EPB41L2: variants seen among roughly 807,000 people sequenced by gnomAD.
EPB41L2 encodes the protein band 4.1-like protein 2.
In EPB41L2, 43 loss-of-function variants were observed where a neutral mutation model predicts 113.0. The ratio of observed to expected loss-of-function variants is 0.38; its 90% CI spans 0.30 to 0.49. The LOEUF is 0.49. Among genes scored for constraint, EPB41L2 ranks in the 20% least tolerant of loss-of-function variants. The pLI is 0.95. For missense variants in EPB41L2, 1,147 were observed against 1,223.4 expected, an observed-to-expected ratio of 0.94 and a Z score of 0.93; for synonymous variants, 442 against 436.7, an observed-to-expected ratio of 1.01 and a Z score of -0.15.
chr6:130,885,171 C>T lies in EPB41L2; in HGVS notation c.1758G>A (p.Val586=). ...CCCTCCTGCCGTCCCCATCTTGTAC[C>T]ACGGCAATGCTGACAAGTCCAGGTC... is the stretch of plus-strand genomic sequence containing the variant. The part of the protein sequence containing the change: ...AYGPGLVSIA[V]VQDGDGRREV... Residue 586 remains valine, a synonymous_variant, in exon 12 of 20, where the codon GTG becomes GTA. Transcript: ENST00000337057. 3 of 1,614,074 alleles carry T rather than the reference C, an allele frequency of 1.9e-6. No homozygotes were observed. Among genetic ancestry groups the T allele is most frequent in the Non-Finnish European group, 1.7e-6 (2 of 1,180,004 alleles).
chr6:131,002,135 TTCAAA>T (rs1364644673), intron 1 of EPB41L2, among the ~76,000 whole-genome samples: 1 of 152,196 alleles, frequency 6.6e-6, no homozygotes, highest in Non-Finnish European at 1.5e-5. Flanking sequence ...TACCTGTTGA[TTCAAA>T]GTGTGCCAAT....
intron 1 of EPB41L2, among the ~76,000 whole-genome samples, chr6:131,058,483 C>T (rs1313594285): frequency 1.3e-5 from 2 of 152,092 alleles, no homozygotes; most frequent in Non-Finnish European, 1.5e-5. Flanking sequence ...TAAACATTAC[C>T]GACATGATAT....
At chr6:130,922,916 T>C (rs1345976525) in intron 4 of EPB41L2, among the ~76,000 whole-genome samples, 1 of 152,202 alleles carries the variant, frequency 6.6e-6, no homozygotes, top group Non-Finnish European at 1.5e-5. Flanking sequence ...ATTTGTTCCA[T>C]GCAAGCTGTC....
intron 1 of EPB41L2, among the ~76,000 whole-genome samples, chr6:131,010,790 C>T (rs904291349): frequency 4.6e-5 from 7 of 152,124 alleles, no homozygotes; most frequent in African/African-American, 1.4e-4. Flanking sequence ...GCAGATCATT[C>T]TTCAGCTTGG....
Position 130,867,449 on chromosome 6 carries a change from GC to G in EPB41L2, c.2730+9del. The G allele has an allele frequency of 6.2e-7, 1 of 1,613,784 alleles. No individual in the cohort carries two copies. The highest frequency in any genetic ancestry group is 1.1e-5 in the South Asian group (1 of 91,058). ...AGAGCTCGAACAGTCCAAGTCTAGA[GC>G]TTTTGTACCTGTGGAGACTCATATG... is the stretch of plus-strand genomic sequence containing the variant. On this transcript the variant is annotated intron_variant, in intron 16 of 19. Coordinates refer to ENST00000337057, the MANE Select transcript of EPB41L2 (RefSeq NM_001431.4).
At chr6:131,050,106 A>G (rs1260082837) in intron 1 of EPB41L2, among the ~76,000 whole-genome samples, 1 of 152,216 alleles carries the variant, frequency 6.6e-6, no homozygotes, top group Non-Finnish European at 1.5e-5. Flanking sequence ...TGGGAGGTCA[A>G]GGAGGGCAGA....
rs2128447970 is a variant in EPB41L2, at chr6:130,869,937, T to C, written c.2233A>G (p.Ser745Gly). 1 of 1,613,258 alleles carries C rather than the reference T, an allele frequency of 6.2e-7. No individual in the cohort carries two copies. Among genetic ancestry groups the C allele is most frequent in the Non-Finnish European group, 8.5e-7 (1 of 1,180,022 alleles). ...ACGTCTTCCTCCTCACTCTCACTGC[T>C]GCTGCTGCTGCTCTCAGAAGACAGG... ...TSLSSESSSSSSESEEEDVGE... is the reference protein window; with the variant it reads ...TSLSSESSSSGSESEEEDVGE... The change falls in exon 15 of 20, where the codon AGC becomes GGC. Residue 745 changes from serine to glycine, a missense_variant. Transcript: ENST00000337057.
chr6:130,965,450 T>C (rs1774841834), intron 1 of EPB41L2, among the ~76,000 whole-genome samples: 1 of 152,094 alleles, frequency 6.6e-6, no homozygotes, highest in African/African-American at 2.4e-5. Context: ...GAGGACTAAT[T>C]CTCCTTCTCA....
At chr6:131,046,918 G>T (rs995289381) in intron 1 of EPB41L2, among the ~76,000 whole-genome samples, 1 of 152,116 alleles carries the variant, frequency 6.6e-6, no homozygotes, top group African/African-American at 2.4e-5. Flanking sequence ...ATAGTTACCC[G>T]TGGGGAGGGG....
intron 1 of EPB41L2, among the ~76,000 whole-genome samples, chr6:131,033,125 C>T (rs1792557082): frequency 6.6e-6 from 1 of 152,080 alleles, no homozygotes; most frequent in Non-Finnish European, 1.5e-5. Flanking sequence ...TCATCTGCCT[C>T]GGCCTCCCAA....
chr6:131,062,203 T>C (rs1245546405), intron 1 of EPB41L2, among the ~76,000 whole-genome samples: 1 of 144,302 alleles, frequency 6.9e-6, no homozygotes, highest in Non-Finnish European at 1.5e-5. Context: ...TACATATATA[T>C]AAAAAAAAAA....
At chr6:130,994,095 T>C (rs568782564) in intron 1 of EPB41L2, among the ~76,000 whole-genome samples, 5 of 143,590 alleles carry the variant, frequency 3.5e-5, no homozygotes, top group Admixed American at 2.7e-4. Flanking sequence ...AGACATCTAG[T>C]AGATGGCAAA....
intron 1 of EPB41L2, chr6:131,000,704 C>G (rs1222606980): frequency 6.6e-6 from 1 of 152,242 alleles, no homozygotes; most frequent in African/African-American, 2.4e-5. Context: ...ACTGTTACCA[C>G]CTTGCTTGCT....
At position 131,027,595 on chromosome 6, in the gene EPB41L2, T is replaced by C. The variant is rs17059981; in HGVS notation, c.-15+35560A>G. Among the ~76,000 whole-genome samples, 1,792 of 152,286 alleles carry C rather than the reference T, an allele frequency of 0.012. 193 individuals are homozygous for C. The East Asian group carries it at 0.27, about 23-fold the overall frequency. ...AATGCTTAATGCAGCCAATGATTAA[T>C]AGTGGCACCAGGAGCCAACCGTCAT... On this transcript the variant is annotated intron_variant, in intron 1 of 19. Coordinates refer to ENST00000337057, the MANE Select transcript of EPB41L2 (RefSeq NM_001431.4).
chr6:131,047,916 G>A (rs528581794), intron 1 of EPB41L2, among the ~76,000 whole-genome samples: 80 of 152,222 alleles, frequency 5.3e-4, no homozygotes, highest in Admixed American at 1.8e-3. Flanking sequence ...CAAGGCAGGT[G>A]GATCACGAGG....
At chr6:130,865,512 A>C (rs977437253) in intron 17 of EPB41L2, 24 bp downstream of exon 17, 4 of 1,606,098 alleles carry the variant, frequency 2.5e-6, no homozygotes, top group Non-Finnish European at 2.6e-6. Flanking sequence ...CATCCTCTCC[A>C]TATGATCCCC....
chr6:130,878,156 G>A lies in EPB41L2; in HGVS notation c.1991C>T (p.Pro664Leu). Reference sequence around the variant, plus strand: ...GATACGTCGTTTTTCCCATTCATTAGGGCGCGGCTCAGGTGTGGATTCCAT... The same window carrying A: ...GATACGTCGTTTTTCCCATTCATTAAGGCGCGGCTCAGGTGTGGATTCCAT... ...NFMESTPEPRPNEWEKRRITP... is the reference protein window; with the variant it reads ...NFMESTPEPRLNEWEKRRITP... Residue 664 changes from proline (P) to leucine (L), a missense_variant, in exon 14 of 20, where the codon CCT (proline) becomes CTT (leucine). By Grantham distance (98) the Pro-to-Leu change is moderately conservative. Coordinates refer to ENST00000337057, the MANE Select transcript of EPB41L2 (RefSeq NM_001431.4). 6.2e-7 allele frequency: 1 copy of A among 1,613,532 alleles called. No individual in the cohort carries two copies. Among genetic ancestry groups the A allele is most frequent in the Non-Finnish European group, 8.5e-7 (1 of 1,179,784 alleles).
chr6:131,000,319 G>T (rs1272829101), intron 1 of EPB41L2, among the ~76,000 whole-genome samples: 1 of 152,092 alleles, frequency 6.6e-6, no homozygotes, highest in Non-Finnish European at 1.5e-5. Flanking sequence ...GCCTATCCAG[G>T]AAAGCTCACA....
At chr6:130,966,327 G>A (rs1411831820) in intron 1 of EPB41L2, among the ~76,000 whole-genome samples, 3 of 152,110 alleles carry the variant, frequency 2.0e-5, no homozygotes, top group Admixed American at 1.3e-4. Context: ...AAAGGCTGCC[G>A]CCCCACTTGG....
Sources: gnomAD v4.1 joint callset for allele counts (sites outside exome capture counted in the v4.1 genomes callset) on GRCh38, gnomAD v4.1.1 for gene constraint, MANE v1.5 for transcripts, NCBI Gene and HGNC (gene_info 2026-07-23, HGNC 2026-07-21) for gene names.